Variants in TAF1B observed in about 807,000 individuals in gnomAD.
TAF1B encodes the protein TATA box-binding protein-associated factor RNA polymerase I subunit B.
A neutral mutation model predicts 83.9 loss-of-function variants in TAF1B; 61 were observed. That is an observed-to-expected ratio of 0.73 (90% CI 0.59 to 0.90). TAF1B has a LOEUF of 0.90. Among genes scored for constraint, TAF1B ranks in the 40% least tolerant of loss-of-function variants. TAF1B has a pLI of 0.00. For missense variants in TAF1B, 625 were observed against 677.0 expected, an observed-to-expected ratio of 0.92 and a Z score of 0.85; for synonymous variants, 221 against 224.6, an observed-to-expected ratio of 0.98 and a Z score of 0.14.
At chr2:9,859,289 C>T (rs1042871929) in intron 5 of TAF1B, among the ~76,000 whole-genome samples, 1 of 152,060 alleles carries the variant, frequency 6.6e-6, no homozygotes, top group African/African-American at 2.4e-5. Context: ...TTTGCTGAAA[C>T]ATAGCAAGAG....
intron 7 of TAF1B, among the ~76,000 whole-genome samples, chr2:9,880,281 A>G (rs895753302): frequency 6.6e-6 from 1 of 152,138 alleles, no homozygotes; most frequent in Non-Finnish European, 1.5e-5. Flanking sequence ...TCCAGGGGAC[A>G]TGGCTAAACT....
At chr2:9,927,552 T>G (rs1267937846) in intron 14 of TAF1B, among the ~76,000 whole-genome samples, 1 of 152,246 alleles carries the variant, frequency 6.6e-6, no homozygotes, top group Non-Finnish European at 1.5e-5. Context: ...GACTTTTTAT[T>G]GATTGCCATT....
intron 14 of TAF1B, among the ~76,000 whole-genome samples, chr2:9,933,033 G>C (rs922946763): frequency 6.6e-6 from 1 of 152,220 alleles, no homozygotes; most frequent in Non-Finnish European, 1.5e-5. Flanking sequence ...TTGGAAAAGC[G>C]CAGTATTTGG....
chr2:9,845,457 C>G lies in TAF1B; in HGVS notation c.117+139C>G. 3 of 623,702 alleles carry G rather than the reference C, an allele frequency of 4.8e-6. No individual in the cohort carries two copies. The South Asian group carries it at 5.3e-5, about 11-fold the overall frequency. The allele number at this position is 623,702 out of a possible 1,614,324, so 38.6% of individuals were successfully genotyped here. On this transcript the variant is annotated intron_variant, in intron 2 of 14. Transcript: ENST00000263663. Reference sequence around the variant, plus strand: ...CCAACATTCCAAGGATGCATGTGGTCTTAGGTACTTACACATAGGTTAAGG... The same window carrying G: ...CCAACATTCCAAGGATGCATGTGGTGTTAGGTACTTACACATAGGTTAAGG...
At chr2:9,932,828 C>A (rs1263131268) in intron 14 of TAF1B, among the ~76,000 whole-genome samples, 1 of 151,974 alleles carries the variant, frequency 6.6e-6, no homozygotes, top group East Asian at 1.9e-4. Flanking sequence ...TGGGCTCTGC[C>A]CGGTTTGAGC....
intron 1 of TAF1B, 114 bp downstream of exon 1, chr2:9,843,673 G>A (rs965518219): frequency 1.6e-6 from 2 of 1,232,576 alleles, no homozygotes; most frequent in Non-Finnish European, 2.2e-6. Context: ...CCGGCTGGAG[G>A]AAGGCGGGGC....
At chr2:9,912,668 C>T (rs1332331469) in intron 11 of TAF1B, among the ~76,000 whole-genome samples, 1 of 152,182 alleles carries the variant, frequency 6.6e-6, no homozygotes, top group African/African-American at 2.4e-5. Flanking sequence ...AGATCACTGT[C>T]ATTTCTCTCT....
At chr2:9,862,413 G>C (rs545900782) in intron 5 of TAF1B, among the ~76,000 whole-genome samples, 1 of 152,094 alleles carries the variant, frequency 6.6e-6, no homozygotes, top group African/African-American at 2.4e-5. Context: ...TAAAAGAAAC[G>C]AACAAAGCCT....
At chr2:9,904,580 A>G (rs1665284737) in intron 8 of TAF1B, among the ~76,000 whole-genome samples, 1 of 152,140 alleles carries the variant, frequency 6.6e-6, no homozygotes, top group African/African-American at 2.4e-5. Flanking sequence ...GCATGTGTCA[A>G]TGACATATTC....
At chr2:9,849,327 G>A (rs1221934241) in intron 2 of TAF1B, 46 bp from the exon 3 acceptor site, 2 of 1,402,950 alleles carry the variant, frequency 1.4e-6, no homozygotes, top group African/African-American at 1.5e-5. Flanking sequence ...ATGCTTAGGG[G>A]GATGTAAAAC....
At chr2:9,900,408 G>A (rs1054165357) in intron 8 of TAF1B, among the ~76,000 whole-genome samples, 1 of 152,052 alleles carries the variant, frequency 6.6e-6, no homozygotes, top group Non-Finnish European at 1.5e-5. Flanking sequence ...GGTGGTGCAT[G>A]CCTATAGTCT....
At chr2:9,845,488 G>A in intron 2 of TAF1B, 170 bp downstream of exon 2, 1 of 518,026 alleles carries the variant, frequency 1.9e-6, no homozygotes, top group Non-Finnish European at 3.5e-6. Context: ...TAAGGGATTT[G>A]TGAATTAGAT....
chr2:9,888,322 C>A lies in TAF1B; in HGVS notation c.807+5517C>A, dbSNP rs540189869. On this transcript the variant is annotated intron_variant, in intron 8 of 14. Coordinates refer to ENST00000263663, the MANE Select transcript of TAF1B (RefSeq NM_005680.3). The stretch of plus-strand genomic sequence containing the variant: ...CTTAATGCATTGGGATTTTTTTTTT[C>A]TGTAAGCAATCATTTATCTTTTCAA... 1.0e-4 allele frequency among the ~76,000 whole-genome samples: 14 copies of A among 135,208 alleles called. No individual in the cohort carries two copies. The South Asian group carries it at 3.2e-3, about 31-fold the overall frequency. The allele number at this position is 135,208 out of a possible 152,430, so 88.7% of individuals were successfully genotyped here. A position where few individuals can be genotyped will look rare whatever the true frequency, so the allele number is the denominator to read the frequency against.
At chr2:9,930,057 A>C (rs1666165736) in intron 14 of TAF1B, among the ~76,000 whole-genome samples, 1 of 150,236 alleles carries the variant, frequency 6.7e-6, no homozygotes, top group Non-Finnish European at 1.5e-5. Context: ...CATCTATTTG[A>C]TTCTTCTCTT....
chr2:9,907,008 G>A (rs1346768165), intron 9 of TAF1B, among the ~76,000 whole-genome samples: 3 of 152,070 alleles, frequency 2.0e-5, no homozygotes, highest in African/African-American at 7.2e-5. Flanking sequence ...CTCCCGAGTA[G>A]CTGAGACTGC....
intron 14 of TAF1B, among the ~76,000 whole-genome samples, chr2:9,930,919 G>A (rs776089263): frequency 5.9e-5 from 9 of 152,188 alleles, no homozygotes; most frequent in Non-Finnish European, 1.0e-4. Context: ...TTACCATTAT[G>A]TAATGGCCTT....
chr2:9,877,115 T>C (rs1664343116), intron 7 of TAF1B, among the ~76,000 whole-genome samples: 1 of 152,310 alleles, frequency 6.6e-6, no homozygotes, highest in South Asian at 2.1e-4. Context: ...AAAAACCTGA[T>C]CTTGTTTTGT....
intron 8 of TAF1B, among the ~76,000 whole-genome samples, chr2:9,898,108 A>G (rs1665070992): frequency 6.6e-6 from 1 of 151,982 alleles, no homozygotes; most frequent in South Asian, 2.1e-4. Flanking sequence ...TAGCCTCTGC[A>G]TTTTATTTTT....
At chr2:9,855,542 A>G (rs4669472) in intron 5 of TAF1B, among the ~76,000 whole-genome samples, 36,758 of 151,966 alleles carry the variant, frequency 0.24, 5,010 homozygotes, top group East Asian at 0.31. Flanking sequence ...CGTACTGGGC[A>G]TGGTGACACA....
Sources: allele counts gnomAD v4.1 joint callset (sites outside exome capture counted in the v4.1 genomes callset), GRCh38; gene constraint gnomAD v4.1.1; transcripts MANE v1.5; gene names NCBI Gene and HGNC (gene_info 2026-07-23, HGNC 2026-07-21).